Variants in MAVS observed in about 807,000 individuals in gnomAD.
MAVS encodes mitochondrial antiviral signaling protein.
Under a neutral mutation model 30.2 loss-of-function variants are expected in MAVS, and 20 were observed. The observed-to-expected ratio is 0.66, with a 90% CI of 0.47 to 0.96. The LOEUF is 0.96. MAVS is among the 40% of genes least tolerant of loss of function. The probability of loss-of-function intolerance (pLI) is 0.00; values close to 1 mark genes in which losing one functional copy is unlikely to be tolerated. For synonymous variants in MAVS, 278 were observed against 293.9 expected, an observed-to-expected ratio of 0.95 and a Z score of 0.55; for missense variants, 624 against 701.1, an observed-to-expected ratio of 0.89 and a Z score of 1.24.
intron 1 of MAVS, among the ~76,000 whole-genome samples, chr20:3,852,718 C>G (rs1007531947): frequency 5.9e-5 from 9 of 151,964 alleles, no homozygotes; most frequent in African/African-American, 2.2e-4. Context: ...TTTTTAGAGA[C>G]AGGGTCTCGC....
chr20:3,866,784 C>G lies in MAVS; in HGVS notation c.*637C>G. The G allele has an allele frequency of 2.4e-6, 1 of 412,672 alleles. No individual in the cohort carries two copies. The highest frequency in any genetic ancestry group is 4.9e-6 in the Non-Finnish European group (1 of 205,224). 25.6% of individuals were successfully genotyped at this position (412,672 alleles called of 1,614,324 possible). On this transcript the variant is annotated 3_prime_UTR_variant, in exon 7 of 7. Coordinates refer to ENST00000428216, the MANE Select transcript of MAVS (RefSeq NM_020746.5). Reference sequence around the variant, plus strand: ...GGGAAGCCAGGGGCAGCTGTCAGGCCTGAGGAAGACCTGTGGAGCTCCTCT... The same window carrying G: ...GGGAAGCCAGGGGCAGCTGTCAGGCGTGAGGAAGACCTGTGGAGCTCCTCT...
chr20:3,863,264 G>C (rs2089880015), intron 5 of MAVS, among the ~76,000 whole-genome samples: 1 of 152,138 alleles, frequency 6.6e-6, no homozygotes, highest in Non-Finnish European at 1.5e-5. Context: ...GAAATATATA[G>C]TTGTCCATCT....
Position 3,862,400 on chromosome 20 carries a change from T to C in MAVS, c.612T>C (p.Ser204=). ...GHQEQDTELG[S]THTAGATSSL... ...AGGAGCAGGACACAGAACTGGGCAG[T>C]ACCCACACAGCAGGTATGCATGGAA... The change falls in exon 5 of 7, where the codon AGT becomes AGC. Residue 204 remains serine (S), a synonymous_variant. Coordinates refer to ENST00000428216, the MANE Select transcript of MAVS (RefSeq NM_020746.5). 6.2e-7 allele frequency: 1 copy of C among 1,613,078 alleles called. No homozygotes were observed. Among genetic ancestry groups the C allele is most frequent in the South Asian group, 1.1e-5 (1 of 90,944 alleles).
intron 5 of MAVS, among the ~76,000 whole-genome samples, chr20:3,862,759 C>G (rs973611139): frequency 3.3e-5 from 5 of 152,274 alleles, no homozygotes; most frequent in Admixed American, 2.6e-4. Context: ...AGTTCTGCCT[C>G]TGGCTGTTTG....
At chr20:3,859,130 T>TCCTC (rs150692447) in intron 3 of MAVS, among the ~76,000 whole-genome samples, 3 of 150,862 alleles carry the variant, frequency 2.0e-5, no homozygotes, top group Admixed American at 6.6e-5. Flanking sequence ...TCCTTGCTTT[T>TCCTC]CCTCCCTCCC....
chr20:3,861,743 T>TG (rs2089868885), intron 4 of MAVS, among the ~76,000 whole-genome samples: 1 of 148,796 alleles, frequency 6.7e-6, no homozygotes, highest in African/African-American at 2.5e-5. Flanking sequence ...GACCACAGTT[T>TG]TGTGTGTGTG....
intron 1 of MAVS, among the ~76,000 whole-genome samples, chr20:3,847,650 A>C (rs1243400345): frequency 6.6e-6 from 1 of 152,216 alleles, no homozygotes; most frequent in Non-Finnish European, 1.5e-5. Flanking sequence ...GCCATGTGAA[A>C]GCAGGGTTAA....
rs1331514823 is a variant in MAVS at position 3,867,375 on chromosome 20, TATC to T, written c.*1230_*1232del. 3.8e-6 allele frequency: 1 copy of T among 263,676 alleles called. No homozygotes were observed. Among genetic ancestry groups the T allele is most frequent in the Non-Finnish European group, 7.5e-6 (1 of 134,008 alleles). 16.3% of individuals were successfully genotyped at this position (263,676 alleles called of 1,614,324 possible). The stretch of plus-strand genomic sequence containing the variant: ...TTACCAAGGGTTGGATATATGTTAT[TATC>T]ACTATTAAGTGTTGAGGGTCCAGGC... On this transcript the variant is annotated 3_prime_UTR_variant, in exon 7 of 7. Transcript: ENST00000428216.
At chr20:3,857,926 A>T in intron 3 of MAVS, 117 bp downstream of exon 3, 3 of 1,182,970 alleles carry the variant, frequency 2.5e-6, no homozygotes, top group Non-Finnish European at 3.7e-6. Flanking sequence ...TGTCACTGTG[A>T]AGCGATGAAT....
In MAVS at chr20:3,862,280, C is replaced by G. The variant is rs201271837; in HGVS notation, c.492C>G (p.Leu164=). Reference sequence around the variant, plus strand: ...ATTCAGAGCAAGCCCTGCAGACGCTCAGCCCCAGAGCCATCCCAAGGAATC... The same window carrying G: ...ATTCAGAGCAAGCCCTGCAGACGCTGAGCCCCAGAGCCATCCCAAGGAATC... The part of the protein sequence containing the change: ...GENSEQALQT[L]SPRAIPRNPD... Residue 164 remains leucine (L), a synonymous_variant, in exon 5 of 7, where the codon CTC becomes CTG. Coordinates refer to ENST00000428216, the MANE Select transcript of MAVS (RefSeq NM_020746.5). 1 of 1,613,946 alleles carries G rather than the reference C, an allele frequency of 6.2e-7. No individual in the cohort carries two copies. The highest frequency in any genetic ancestry group is 8.5e-7 in the Non-Finnish European group (1 of 1,179,970).
Position 3,864,281 on chromosome 20 carries a change from C to T in MAVS, c.651C>T (p.Ser217=), listed in dbSNP as rs755196706. The T allele has an allele frequency of 6.2e-6, 10 of 1,611,660 alleles. No individual in the cohort carries two copies. The highest frequency in any genetic ancestry group is 8.5e-6 in the Non-Finnish European group (10 of 1,178,784). The change falls in exon 6 of 7, where the codon TCC becomes TCT. Residue 217 remains serine (S), a synonymous_variant. Transcript: ENST00000428216. ...GTGCGACCTCCAGCCTCACACCATC[C>T]CGTGGGCCTGTGTCTCCATCTGTCT... The part of the protein sequence containing the change: ...TAGATSSLTP[S]RGPVSPSVSF...
At position 3,865,724 on chromosome 20, in the gene MAVS, C is replaced by T. The variant is rs1220945223; in HGVS notation, c.1200C>T (p.Gly400=). 6.2e-7 allele frequency: 1 copy of T among 1,612,386 alleles called. No individual in the cohort carries two copies. The highest frequency in any genetic ancestry group is 1.1e-5 in the South Asian group (1 of 91,050). ...CAACACCCGCCGGCGCCACTGGAGG[C>T]AGCTCAGCCTGGCTAGACAGCAGCT... ...AAPTPAGATG[G]SSAWLDSSSE... The change falls in exon 7 of 7, where the codon GGC becomes GGT. Residue 400 remains glycine, a synonymous_variant. Transcript: ENST00000428216. The surrounding 1 kb of genome is among the most constrained non-coding windows in gnomAD (Gnocchi z 4.7).
At position 3,866,435 on chromosome 20, in the gene MAVS, T is replaced by C; in HGVS notation, c.*288T>C. On this transcript the variant is annotated 3_prime_UTR_variant, in exon 7 of 7. Transcript: ENST00000428216. ...CTGGCAATCCAGGTTATCATCCATG[T>C]CCTCCAGAGGAGCTTCCTCCTCCAG... 1 of 478,266 alleles carries C rather than the reference T, an allele frequency of 2.1e-6. No individual in the cohort carries two copies. Among genetic ancestry groups the C allele is most frequent in the Non-Finnish European group, 3.7e-6 (1 of 268,026 alleles). 29.6% of individuals were successfully genotyped at this position (478,266 alleles called of 1,614,324 possible).
intron 1 of MAVS, among the ~76,000 whole-genome samples, chr20:3,853,148 A>G (rs1448711052): frequency 2.1e-5 from 3 of 140,086 alleles, no homozygotes; most frequent in African/African-American, 7.6e-5. Flanking sequence ...TTCTGCAGGA[A>G]TTTTGGAGAG....
chr20:3,858,434 C>A (rs139479619), intron 3 of MAVS, among the ~76,000 whole-genome samples: 1 of 152,174 alleles, frequency 6.6e-6, no homozygotes, highest in East Asian at 1.9e-4. Flanking sequence ...AATCCCAGCA[C>A]TTTGGGAGGC....
rs543316753 is a variant in MAVS, at chr20:3,857,170, C to T, written c.118-465C>T. Among the ~76,000 whole-genome samples the T allele has an allele frequency of 4.6e-5, 7 of 152,128 alleles. No homozygotes were observed. In the South Asian group the frequency reaches 1.4e-3, roughly 31 times the overall value. On this transcript the variant is annotated intron_variant, in intron 2 of 6. Coordinates refer to ENST00000428216, the MANE Select transcript of MAVS (RefSeq NM_020746.5). ...TCCGTCTTTTGCCCCTTTCATCATA[C>T]TTTTGCTATCTACCTTTTCCTTCTC...
chr20:3,859,289 C>G (rs1164993116), intron 3 of MAVS, among the ~76,000 whole-genome samples: 1 of 151,884 alleles, frequency 6.6e-6, no homozygotes, highest in African/African-American at 2.4e-5. Flanking sequence ...GGGCGGATCA[C>G]AAGGTCAGGA....
In MAVS at chr20:3,867,214, C is replaced by A; in HGVS notation, c.*1067C>A. 2.7e-6 allele frequency: 1 copy of A among 370,714 alleles called. No individual in the cohort carries two copies. The highest frequency in any genetic ancestry group is 5.3e-6 in the Non-Finnish European group (1 of 187,690). 23.0% of individuals were successfully genotyped at this position (370,714 alleles called of 1,614,324 possible). On this transcript the variant is annotated 3_prime_UTR_variant, in exon 7 of 7. Transcript: ENST00000428216. ...AACCTGCCTCTCACCAGCTCTGTGACCTTGGGCAAGGGATTTATCTGTCTG... is the reference window on the plus strand; with the variant it reads ...AACCTGCCTCTCACCAGCTCTGTGAACTTGGGCAAGGGATTTATCTGTCTG...
Position 3,866,951 on chromosome 20 carries a change from G to C in MAVS, c.*804G>C, listed in dbSNP as rs1293097451. On this transcript the variant is annotated 3_prime_UTR_variant, in exon 7 of 7. Coordinates refer to ENST00000428216, the MANE Select transcript of MAVS (RefSeq NM_020746.5). Reference sequence around the variant, plus strand: ...CTTCCGGGGCTGTGTGGCTTTGGCAGATGTCAGACTTCTGGTCTTGCTTCT... The same window carrying C: ...CTTCCGGGGCTGTGTGGCTTTGGCACATGTCAGACTTCTGGTCTTGCTTCT... The C allele has an allele frequency of 3.9e-5, 18 of 456,804 alleles. No individual in the cohort carries two copies. Among genetic ancestry groups the C allele is most frequent in the Admixed American group, 3.5e-4 (15 of 42,556 alleles). 28.3% of individuals were successfully genotyped at this position (456,804 alleles called of 1,614,324 possible).
Sources: gnomAD v4.1 joint callset for allele counts (sites outside exome capture counted in the v4.1 genomes callset) on GRCh38, gnomAD v4.1.1 for gene constraint, Gnocchi (gnomAD v3.1) non-coding constraint, MANE v1.5 for transcripts, NCBI Gene and HGNC (gene_info 2026-07-23, HGNC 2026-07-21) for gene names.